ARID1A: variants seen among roughly 807,000 people sequenced by gnomAD.
The protein encoded by ARID1A is AT-rich interactive domain-containing protein 1A.
In ARID1A, 20 loss-of-function variants were observed where a neutral mutation model predicts 212.6. The observed-to-expected ratio is 0.09, with a 90% CI of 0.07 to 0.14. The LOEUF (loss-of-function observed/expected upper bound fraction) is 0.14. ARID1A is among the 10% of genes least tolerant of loss of function. ARID1A has a pLI of 1.00. For synonymous variants in ARID1A, 1,376 were observed against 1,222.1 expected (o/e 1.13, Z -2.63); for missense variants, 2,587 against 3,059.0 (o/e 0.85, Z 3.64).
At position 26,731,337 on chromosome 1, in the gene ARID1A, G is replaced by C. The variant is rs2124788814; in HGVS notation, c.1536G>C (p.Gln512His). 6.2e-7 allele frequency: 1 copy of C among 1,613,562 alleles called. No homozygotes were observed. The highest frequency in any genetic ancestry group is 8.5e-7 in the Non-Finnish European group (1 of 1,179,878). ...QQPQSQPPQL[Q>H]SSQPPYSQQP... is the part of the protein sequence containing the mutation. The stretch of plus-strand genomic sequence containing the variant: ...CACAGTCTCAACCACCACAGCTCCA[G>C]TCCTCTCAGCCTCCATACTCCCAGC... The change falls in exon 3 of 20, where the codon CAG (glutamine) becomes CAC (histidine). Residue 512 changes from glutamine to histidine, a missense_variant. By Grantham distance (24) the Gln-to-His change is conservative. This residue lies in a region of ARID1A where 674 missense variants were observed against 813.4 expected (regional missense o/e 0.83). Transcript: ENST00000324856.
intron 10 of ARID1A, among the ~76,000 whole-genome samples, chr1:26,766,952 A>C (rs186947076): frequency 6.6e-6 from 1 of 152,134 alleles, no homozygotes; most frequent in East Asian, 1.9e-4. Context: ...CCTGAACCTT[A>C]CTCATAGCAG....
chr1:26,711,459 C>T (rs1382666933), intron 1 of ARID1A, among the ~76,000 whole-genome samples: 2 of 152,100 alleles, frequency 1.3e-5, no homozygotes, highest in Non-Finnish European at 2.9e-5. Context: ...ATCATGGGGG[C>T]ACACCCTCAT....
chr1:26,774,147 A>AGG lies in ARID1A; in HGVS notation c.4102-180_4102-179dup. On this transcript the variant is annotated intron_variant, in intron 17 of 19. Transcript: ENST00000324856. The surrounding 1 kb of genome is among the most constrained non-coding windows in gnomAD (Gnocchi z 5.6). ...TATATTTTTCTACTTAAGCAAGGGA[A>AGG]GGGAAGAAAGAGTGGTGGTTGCTTT... is the stretch of plus-strand genomic sequence containing the variant. 1 of 1,249,750 alleles carries AGG rather than the reference A, an allele frequency of 8.0e-7. No individual in the cohort carries two copies. Among genetic ancestry groups the AGG allele is most frequent in the Middle Eastern group, 2.9e-4 (1 of 3,498 alleles). 77.4% of individuals were successfully genotyped at this position (1,249,750 alleles called of 1,614,324 possible). A position where few individuals can be genotyped will look rare whatever the true frequency, so the allele number is the denominator to read the frequency against.
In ARID1A at chr1:26,781,978, G is replaced by C. The variant is rs1035378243; in HGVS notation, c.*1222G>C. On this transcript the variant is annotated 3_prime_UTR_variant, in exon 20 of 20. Coordinates refer to ENST00000324856, the MANE Select transcript of ARID1A (RefSeq NM_006015.6). ...TGCATATTTGTATTTCAACAATGTA[G>C]CTAAAACTTGATGTAAATTCCTCCT... 4.3e-6 allele frequency: 1 copy of C among 233,200 alleles called. No homozygotes were observed. The highest frequency in any genetic ancestry group is 8.5e-6 in the Non-Finnish European group (1 of 117,906). The allele number at this position is 233,200 out of a possible 1,614,324, so 14.4% of individuals were successfully genotyped here. A position where few individuals can be genotyped will look rare whatever the true frequency, so the allele number is the denominator to read the frequency against.
intron 1 of ARID1A, among the ~76,000 whole-genome samples, chr1:26,727,129 A>T (rs954385004): frequency 6.6e-6 from 1 of 152,250 alleles, no homozygotes; most frequent in Non-Finnish European, 1.5e-5. Flanking sequence ...CATTTATTGG[A>T]CATTTAAATA....
rs111256946 is a variant in ARID1A, at chr1:26,697,525, C to T, written c.1122C>T (p.Leu374=). The change falls in exon 1 of 20, where the codon CTC becomes CTT. Residue 374 remains leucine, a synonymous_variant. Transcript: ENST00000324856. ...PGSSGGGGQP[L]ARTPQPSSPM... The stretch of plus-strand genomic sequence containing the variant: ...GCAGCGGCGGCGGGGGGCAGCCGCT[C>T]GCCCGGACCCCTCAGGTACACAGCT... 2.2e-6 allele frequency: 3 copies of T among 1,393,670 alleles called. No individual in the cohort carries two copies. The highest frequency in any genetic ancestry group is 2.8e-6 in the Non-Finnish European group (3 of 1,082,468). 86.3% of individuals were successfully genotyped at this position (1,393,670 alleles called of 1,614,324 possible). A position where few individuals can be genotyped will look rare whatever the true frequency, so the allele number is the denominator to read the frequency against.
chr1:26,735,449 C>T (rs925546893), intron 4 of ARID1A, among the ~76,000 whole-genome samples: 2 of 152,268 alleles, frequency 1.3e-5, no homozygotes, highest in South Asian at 4.1e-4. Flanking sequence ...CCCTCTACCA[C>T]GCCCACGTAA....
rs139562988 is a variant in ARID1A, at chr1:26,729,794, G to A, written c.1281G>A (p.Pro427=). ...YPGQPYGSQT[P]QRYPMTMQGR... ...GGCAGCCATACGGGTCCCAGACCCCGCAGCGGTACCCGATGACCATGCAGG... is the reference window on the plus strand; with the variant it reads ...GGCAGCCATACGGGTCCCAGACCCCACAGCGGTACCCGATGACCATGCAGG... The change falls in exon 2 of 20, where the codon CCG becomes CCA. Residue 427 remains proline (P), a synonymous_variant. Transcript: ENST00000324856. 4.3e-5 allele frequency: 70 copies of A among 1,614,254 alleles called. No homozygotes were observed. Among genetic ancestry groups the A allele is most frequent in the East Asian group, 2.0e-4 (9 of 44,892 alleles).
rs2124153342 is a variant in ARID1A at position 26,780,717 on chromosome 1, A to G, written c.6819A>G (p.Gln2273=). 1 of 1,588,352 alleles carries G rather than the reference A, an allele frequency of 6.3e-7. No individual in the cohort carries two copies. The highest frequency in any genetic ancestry group is 8.5e-7 in the Non-Finnish European group (1 of 1,170,146). Residue 2273 remains glutamine, a synonymous_variant, in exon 20 of 20, where the codon CAA becomes CAG. Transcript: ENST00000324856. This position sits in a 1 kb window ranked among gnomAD's most constrained non-coding sequence, Gnocchi z 7.2. ...VSPLMNSLVS[Q]VICDVLFLIG... ...CGTTGATGAACTCATTGGTTTCACA[A>G]GTCATTTGTGATGTACTGTTTTTGA...
rs775551378 is a variant in ARID1A, at chr1:26,780,543, C to G, written c.6645C>G (p.Leu2215=). The change falls in exon 20 of 20, where the codon CTC becomes CTG. Residue 2215 remains leucine, a synonymous_variant. Transcript: ENST00000324856. This position sits in a 1 kb window ranked among gnomAD's most constrained non-coding sequence, Gnocchi z 7.2. ...ATQFQQSQAS[L]LHMQNPPFEP... Reference sequence around the variant, plus strand: ...AGTTCCAGCAGAGCCAGGCCAGCCTCCTCCACATGCAGAACCCACCCTTTG... The same window carrying G: ...AGTTCCAGCAGAGCCAGGCCAGCCTGCTCCACATGCAGAACCCACCCTTTG... The G allele has an allele frequency of 6.2e-7, 1 of 1,614,202 alleles. No homozygotes were observed.
rs2124784978 is a variant in ARID1A, at chr1:26,729,703, G to A, written c.1190G>A (p.Gly397Glu). The change falls in exon 2 of 20, where the codon GGG becomes GAG. Residue 397 changes from glycine (G) to glutamate (E), a missense_variant. This residue lies in a region of ARID1A where 674 missense variants were observed against 813.4 expected (regional missense o/e 0.83). Transcript: ENST00000324856. ...MGKMRPQPYG[G>E]TNPYSQQQGP... ...AAGATGAGACCTCAGCCATATGGCG[G>A]GACTAACCCATACTCGCAGCAACAG... 6.2e-7 allele frequency: 1 copy of A among 1,614,224 alleles called. No individual in the cohort carries two copies. Among genetic ancestry groups the A allele is most frequent in the Non-Finnish European group, 8.5e-7 (1 of 1,180,040 alleles).
intron 1 of ARID1A, among the ~76,000 whole-genome samples, chr1:26,708,139 T>C (rs1162885213): frequency 6.6e-6 from 1 of 152,050 alleles, no homozygotes; most frequent in Non-Finnish European, 1.5e-5. Context: ...ACTTGGTTTA[T>C]AGCTGCCTTG....
In ARID1A at chr1:26,729,774, C is replaced by G. The variant is rs2124785357; in HGVS notation, c.1261C>G (p.Pro421Ala). 1 of 1,614,244 alleles carries G rather than the reference C, an allele frequency of 6.2e-7. No individual in the cohort carries two copies. The highest frequency in any genetic ancestry group is 1.1e-5 in the South Asian group (1 of 91,086). Residue 421 changes from proline (P) to alanine (A), a missense_variant, in exon 2 of 20, where the codon CCA becomes GCA. By Grantham distance (27) the Pro-to-Ala change is conservative (BLOSUM62 -1). Coordinates refer to ENST00000324856, the MANE Select transcript of ARID1A (RefSeq NM_006015.6). ...GCAAGGACATGGGTACCCAGGGCAGCCATACGGGTCCCAGACCCCGCAGCG... is the reference window on the plus strand; with the variant it reads ...GCAAGGACATGGGTACCCAGGGCAGGCATACGGGTCCCAGACCCCGCAGCG... The part of the protein sequence containing the change: ...PQQGHGYPGQ[P>A]YGSQTPQRYP...
At chr1:26,721,358 C>T (rs554591750) in intron 1 of ARID1A, among the ~76,000 whole-genome samples, 2 of 152,208 alleles carry the variant, frequency 1.3e-5, no homozygotes, top group South Asian at 4.1e-4. Flanking sequence ...ACTACAGGCG[C>T]GTGCCATCAC....
At chr1:26,753,159 G>C (rs560446643) in intron 4 of ARID1A, 111 of 152,352 alleles carry the variant, frequency 7.3e-4, no homozygotes, top group African/African-American at 2.4e-3. Context: ...ATATTCTTCA[G>C]TGGGCAGCCA....
At chr1:26,718,227 C>T (rs1472236595) in intron 1 of ARID1A, among the ~76,000 whole-genome samples, 2 of 152,212 alleles carry the variant, frequency 1.3e-5, no homozygotes, top group African/African-American at 4.8e-5. Context: ...CACCTGCCTC[C>T]GCCTCCCAAA....
chr1:26,779,296 A>C lies in ARID1A; in HGVS notation c.5398A>C (p.Asn1800His), dbSNP rs551963483. The C allele has an allele frequency of 1.9e-6, 3 of 1,614,256 alleles. No individual in the cohort carries two copies. Among genetic ancestry groups the C allele is most frequent in the East Asian group, 2.2e-5 (1 of 44,892 alleles). ...AGGCAAGGACAAGCCAGCTTCAGAG[A>C]ATAGTGAGGAGAAGCTGATCAGTAA... Reference protein sequence around the residue: ...FSGKDKPASENSEEKLISKFD... With the variant: ...FSGKDKPASEHSEEKLISKFD... The change falls in exon 20 of 20, where the codon AAT (asparagine) becomes CAT (histidine). Residue 1800 changes from asparagine to histidine, a missense_variant. Around this residue, in one of 11 missense-constraint regions of ARID1A, gnomAD observed 890 missense variants for 1,098.2 expected, o/e 0.81. Transcript: ENST00000324856.
At position 26,763,275 on chromosome 1, in the gene ARID1A, A is replaced by G. The variant is rs1407048804; in HGVS notation, c.2722A>G (p.Ile908Val). 6.2e-7 allele frequency: 1 copy of G among 1,603,768 alleles called. No homozygotes were observed. Among genetic ancestry groups the G allele is most frequent in the Non-Finnish European group, 8.5e-7 (1 of 1,172,910 alleles). ...CGCCATGCATGTTGCTGCCAACTCT[A>G]TCCAAAACAGGTAAGGCCTGGGAAG... is the stretch of plus-strand genomic sequence containing the variant. ...AVAMHVAANS[I>V]QNRPPGYPNM... The change falls in exon 8 of 20, where the codon ATC becomes GTC. Residue 908 changes from isoleucine to valine, a missense_variant. Ile to Val is a conservative substitution (Grantham distance 29, BLOSUM62 3). This residue lies in a region of ARID1A where 674 missense variants were observed against 813.4 expected (regional missense o/e 0.83). Transcript: ENST00000324856.
rs1285132827 is a variant in ARID1A at position 26,771,732 on chromosome 1, T to C, written c.3406+406T>C. The C allele has an allele frequency of 4.7e-6, 1 of 210,642 alleles. No homozygotes were observed. Among genetic ancestry groups the C allele is most frequent in the East Asian group, 1.3e-4 (1 of 7,982 alleles). The allele number at this position is 210,642 out of a possible 1,614,324, so 13.0% of individuals were successfully genotyped here. On this transcript the variant is annotated intron_variant, in intron 12 of 19. Transcript: ENST00000324856. This position sits in a 1 kb window ranked among gnomAD's most constrained non-coding sequence, Gnocchi z 5.4. ...CCCAGGGAGCTGAGATGGTAATGAA[T>C]GGGAAGGAGGGAGTGGGGAAGGGTT... is the stretch of plus-strand genomic sequence containing the variant.
Sources: allele counts gnomAD v4.1 joint callset (sites outside exome capture counted in the v4.1 genomes callset), GRCh38; gene constraint gnomAD v4.1.1; regional missense constraint gnomAD v4.1.1; non-coding constraint Gnocchi (gnomAD v3.1); transcripts MANE v1.5; gene names NCBI Gene and HGNC (gene_info 2026-07-23, HGNC 2026-07-21).